The following DDX10 variants were observed in gnomAD, a reference collection of about 807,000 sequenced individuals.
The protein encoded by DDX10 is probable ATP-dependent RNA helicase DDX10.
A neutral mutation model predicts 104.3 loss-of-function variants in DDX10; 74 were observed. The observed-to-expected ratio is 0.71, with a 90% CI of 0.59 to 0.86. The LOEUF is 0.86. Among genes scored for constraint, DDX10 ranks in the 40% least tolerant of loss-of-function variants. The pLI is 0.00. For missense variants in DDX10, 952 were observed against 1,040.0 expected (o/e 0.92, Z 1.16); for synonymous variants, 351 against 353.4 (o/e 0.99, Z 0.08).
intron 9 of DDX10, among the ~76,000 whole-genome samples, chr11:108,705,498 A>G (rs1398248624): frequency 1.3e-5 from 2 of 152,020 alleles, no homozygotes; most frequent in African/African-American, 4.8e-5. Flanking sequence ...TTTAGCACCT[A>G]CTTATTTACT....
chr11:108,827,463 T>G (rs1334081221), intron 13 of DDX10, among the ~76,000 whole-genome samples: 1 of 152,190 alleles, frequency 6.6e-6, no homozygotes, highest in Non-Finnish European at 1.5e-5. Flanking sequence ...TTCTCTTAAT[T>G]TACGCATTCC....
chr11:108,930,132 C>G (rs1433548978), intron 17 of DDX10, among the ~76,000 whole-genome samples: 1 of 152,136 alleles, frequency 6.6e-6, no homozygotes, highest in Non-Finnish European at 1.5e-5. Flanking sequence ...GCTCATTGCC[C>G]TCAAAATCCC....
At chr11:108,916,253 C>G (rs1863749221) in intron 16 of DDX10, among the ~76,000 whole-genome samples, 1 of 152,060 alleles carries the variant, frequency 6.6e-6, no homozygotes, top group South Asian at 2.1e-4. Context: ...TATCTTGTAG[C>G]TCAGGAAATT....
intron 9 of DDX10, among the ~76,000 whole-genome samples, chr11:108,695,770 T>TG (rs2094258974): frequency 6.6e-6 from 1 of 151,928 alleles, no homozygotes; most frequent in Non-Finnish European, 1.5e-5. Flanking sequence ...GTTTTTTTTT[T>TG]TTGTTTTTTT....
chr11:108,743,481 C>T (rs2094327754), intron 13 of DDX10, among the ~76,000 whole-genome samples: 1 of 152,190 alleles, frequency 6.6e-6, no homozygotes, highest in Non-Finnish European at 1.5e-5. Flanking sequence ...AGGATGCCCT[C>T]TCTCACCACT....
chr11:108,856,532 GGACT>G (rs1213077085), intron 16 of DDX10, among the ~76,000 whole-genome samples: 1 of 151,650 alleles, frequency 6.6e-6, no homozygotes, highest in Non-Finnish European at 1.5e-5. Flanking sequence ...GAGATGCCCT[GGACT>G]GACTTTTTAA....
chr11:108,726,328 T>G (rs1591802384), intron 13 of DDX10, among the ~76,000 whole-genome samples: 1 of 152,114 alleles, frequency 6.6e-6, no homozygotes, highest in East Asian at 1.9e-4. Context: ...TGGAGAGAAT[T>G]GACATCATAA....
intron 13 of DDX10, among the ~76,000 whole-genome samples, chr11:108,828,564 C>G (rs564972403): frequency 2.0e-5 from 3 of 151,570 alleles, no homozygotes; most frequent in East Asian, 3.9e-4. Context: ...TTTTTGAGAC[C>G]GAAAAAAATA....
chr11:108,782,843 A>G (rs1244825561), intron 13 of DDX10, among the ~76,000 whole-genome samples: 1 of 152,160 alleles, frequency 6.6e-6, no homozygotes, highest in Non-Finnish European at 1.5e-5. Flanking sequence ...GAGAGACCAA[A>G]TCACGAAAGA....
intron 13 of DDX10, among the ~76,000 whole-genome samples, chr11:108,740,633 A>G (rs1275776382): frequency 2.0e-5 from 3 of 151,952 alleles, no homozygotes; most frequent in South Asian, 2.1e-4. Flanking sequence ...TTTCACCACA[A>G]CTTTGCCAGT....
Position 108,719,802 on chromosome 11 carries a change from C to G in DDX10, c.1416C>G (p.Phe472Leu), listed in dbSNP as rs368498022. The change falls in exon 12 of 18, where the codon TTC becomes TTG. Residue 472 changes from phenylalanine (F) to leucine (L), a missense_variant. By Grantham distance (22) the Phe-to-Leu change is conservative (BLOSUM62 0). Around this residue, in one of 3 missense-constraint regions of DDX10, gnomAD observed 533 missense variants for 534.1 expected, o/e 1.00. Coordinates refer to ENST00000322536, the MANE Select transcript of DDX10 (RefSeq NM_004398.4). ...QDLKERAQRC[F>L]VSYVRSVYLM... Reference sequence around the variant, plus strand: ...TTCAACCTCTTAATTTACAGTGTTTCGTCTCCTATGTACGATCTGTATATC... The same window carrying G: ...TTCAACCTCTTAATTTACAGTGTTTGGTCTCCTATGTACGATCTGTATATC... 6.3e-7 allele frequency: 1 copy of G among 1,591,434 alleles called. No individual in the cohort carries two copies. Among genetic ancestry groups the G allele is most frequent in the Admixed American group, 1.7e-5 (1 of 59,040 alleles).
At chr11:108,686,207 G>A (rs1417757435) in intron 6 of DDX10, among the ~76,000 whole-genome samples, 1 of 152,140 alleles carries the variant, frequency 6.6e-6, no homozygotes, top group Non-Finnish European at 1.5e-5. Context: ...TTGCTAGAAT[G>A]GTGGTGCATT....
At chr11:108,809,089 GA>G (rs903453977) in intron 13 of DDX10, among the ~76,000 whole-genome samples, 3 of 151,860 alleles carry the variant, frequency 2.0e-5, no homozygotes, top group African/African-American at 7.3e-5. Context: ...GGGCAACTTT[GA>G]GTGATATATT....
intron 11 of DDX10, among the ~76,000 whole-genome samples, chr11:108,718,781 A>G (rs1055490484): frequency 8.5e-5 from 13 of 152,338 alleles, no homozygotes; most frequent in African/African-American, 3.1e-4. Context: ...TATAATCTGG[A>G]TAGAACAAAA....
At chr11:108,712,712 C>G (rs1034107306) in intron 10 of DDX10, among the ~76,000 whole-genome samples, 1 of 151,848 alleles carries the variant, frequency 6.6e-6, no homozygotes, top group African/African-American at 2.4e-5. Context: ...TTTGAAAAAA[C>G]TTAGATTAAG....
intron 10 of DDX10, among the ~76,000 whole-genome samples, chr11:108,709,490 T>C (rs1334958218): frequency 6.6e-6 from 1 of 152,232 alleles, no homozygotes; most frequent in East Asian, 1.9e-4. Context: ...ATTGAGAGTG[T>C]TTATTTCTTG....
chr11:108,931,816 T>C (rs1863979167), intron 17 of DDX10, among the ~76,000 whole-genome samples: 1 of 150,162 alleles, frequency 6.7e-6, no homozygotes, highest in African/African-American at 2.5e-5. Flanking sequence ...AGATCCTGTG[T>C]CTCAATGTTA....
At chr11:108,774,128 T>C (rs2094366829) in intron 13 of DDX10, among the ~76,000 whole-genome samples, 1 of 152,246 alleles carries the variant, frequency 6.6e-6, no homozygotes, top group South Asian at 2.1e-4. Flanking sequence ...AGGCTTGTTG[T>C]CTTACTTGTT....
chr11:108,892,367 G>T (rs1863388291), intron 16 of DDX10, among the ~76,000 whole-genome samples: 2 of 152,142 alleles, frequency 1.3e-5, no homozygotes, highest in African/African-American at 4.8e-5. Flanking sequence ...GCTCTCACCA[G>T]ATGCCCAGTC....
Sources: gnomAD v4.1 joint callset for allele counts (sites outside exome capture counted in the v4.1 genomes callset) on GRCh38, gnomAD v4.1.1 for gene constraint, gnomAD v4.1.1 regional missense constraint, MANE v1.5 for transcripts, NCBI Gene and HGNC (gene_info 2026-07-23, HGNC 2026-07-21) for gene names.